QPRT: variants seen among roughly 807,000 people sequenced by gnomAD.
QPRT encodes the protein quinolinate phosphoribosyltransferase.
A neutral mutation model predicts 19.8 loss-of-function variants in QPRT; 17 were observed. The observed-to-expected ratio is 0.86, with a 90% CI of 0.59 to 1.29. The LOEUF (loss-of-function observed/expected upper bound fraction) is 1.29, where lower values mean the gene tolerates loss of function less well. QPRT is among the 50% of genes most tolerant of loss of function. The pLI, the probability that QPRT is intolerant of heterozygous loss-of-function variation, is 0.00. For synonymous variants in QPRT, 178 were observed against 191.0 expected, an observed-to-expected ratio of 0.93 and a Z score of 0.56; for missense variants, 336 against 405.1, an observed-to-expected ratio of 0.83 and a Z score of 1.46.
chr16:29,697,290 A>G lies in QPRT; in HGVS notation c.773A>G (p.Gln258Arg). The stretch of plus-strand genomic sequence containing the variant: ...GGCATCACCCTGGACAACCTCCCCC[A>G]GTTCTGCGGGCCGCACATAGACGTC... ...SGGITLDNLP[Q>R]FCGPHIDVIS... Residue 258 changes from glutamine (Q) to arginine (R), a missense_variant, in exon 4 of 4, where the codon CAG (glutamine) becomes CGG (arginine). Coordinates refer to ENST00000395384, the MANE Select transcript of QPRT (RefSeq NM_014298.6). The surrounding 1 kb of genome is among the most constrained non-coding windows in gnomAD (Gnocchi z 4.4). 1 of 1,614,164 alleles carries G rather than the reference A, an allele frequency of 6.2e-7. No individual in the cohort carries two copies. The highest frequency in any genetic ancestry group is 2.2e-5 in the East Asian group (1 of 44,882).
At chr16:29,688,520 T>A (rs577706140) in intron 1 of QPRT, among the ~76,000 whole-genome samples, 2 of 150,640 alleles carry the variant, frequency 1.3e-5, no homozygotes, top group East Asian at 3.9e-4. Flanking sequence ...ATTTATTTGT[T>A]TGTTTATTAA....
chr16:29,683,962 C>T (rs1318334300), intron 1 of QPRT, among the ~76,000 whole-genome samples: 1 of 152,160 alleles, frequency 6.6e-6, no homozygotes, highest in Non-Finnish European at 1.5e-5. Context: ...GCACAAAAAC[C>T]GCTCTGGCAC....
chr16:29,695,484 C>CTTTTTT (rs962384967), intron 2 of QPRT, among the ~76,000 whole-genome samples: 66 of 93,596 alleles, frequency 7.1e-4, no homozygotes, highest in East Asian at 1.2e-3. Flanking sequence ...CTAATTTTTG[C>CTTTTTT]TTTTTTTTTT....
At chr16:29,679,958 TC>T (rs1204652517) in intron 1 of QPRT, among the ~76,000 whole-genome samples, 2 of 148,578 alleles carry the variant, frequency 1.3e-5, no homozygotes, top group Non-Finnish European at 3.0e-5. Context: ...ACTAAGATAA[TC>T]TTTTTTTTTT....
chr16:29,691,284 G>A (rs1054778779), intron 1 of QPRT, among the ~76,000 whole-genome samples: 2 of 140,026 alleles, frequency 1.4e-5, no homozygotes, highest in African/African-American at 2.7e-5. Context: ...AGAATCCCTG[G>A]AACCCGCGGG....
chr16:29,697,180 C>A lies in QPRT; in HGVS notation c.682-19C>A. 1 of 1,601,840 alleles carries A rather than the reference C, an allele frequency of 6.2e-7. No homozygotes were observed. On this transcript the variant is annotated intron_variant, in intron 3 of 3. Coordinates refer to ENST00000395384, the MANE Select transcript of QPRT (RefSeq NM_014298.6). The surrounding 1 kb of genome is among the most constrained non-coding windows in gnomAD (Gnocchi z 4.4). ...GATCTGTGGTGGGCTCTTACCTCCC[C>A]TTGGCTTGTGTCCCGCAGGAGCTGC...
chr16:29,697,428 G>T lies in QPRT; in HGVS notation c.*17G>T. The T allele has an allele frequency of 6.2e-7, 1 of 1,600,104 alleles. No homozygotes were observed. The highest frequency in any genetic ancestry group is 8.5e-7 in the Non-Finnish European group (1 of 1,173,662). ...ATCCACTAGTCCTAAACCGGAAGAG[G>T]ATGACACCGGCCATGGGTTAACGTG... is the stretch of plus-strand genomic sequence containing the variant. On this transcript the variant is annotated 3_prime_UTR_variant, in exon 4 of 4. Coordinates refer to ENST00000395384, the MANE Select transcript of QPRT (RefSeq NM_014298.6). This position sits in a 1 kb window ranked among gnomAD's most constrained non-coding sequence, Gnocchi z 4.4.
intron 1 of QPRT, among the ~76,000 whole-genome samples, chr16:29,681,915 G>C (rs1882732833): frequency 6.6e-6 from 1 of 152,062 alleles, no homozygotes; most frequent in Non-Finnish European, 1.5e-5. Context: ...AGTTTTAGTA[G>C]AGACAGGGTT....
chr16:29,686,567 G>T (rs1967167653), intron 1 of QPRT, among the ~76,000 whole-genome samples: 2 of 152,224 alleles, frequency 1.3e-5, no homozygotes, highest in South Asian at 4.1e-4. Context: ...CACAATCTTG[G>T]CTCACTGCAA....
In QPRT at chr16:29,694,720, C is replaced by T. The variant is rs770264684; in HGVS notation, c.70C>T (p.Arg24Ter). The stretch of plus-strand genomic sequence containing the variant: ...GGCAGCCCTGGTGGACAGCTGGCTC[C>T]GAGAGGACTGCCCAGGGCTCAACTA... Reference protein sequence around the residue: ...TLAALVDSWLREDCPGLNYAA... With the variant: ...TLAALVDSWL Residue 24 changes from arginine (R) to a stop codon, truncating the protein, a stop_gained, in exon 2 of 4, where the codon CGA becomes TGA. Coordinates refer to ENST00000395384, the MANE Select transcript of QPRT (RefSeq NM_014298.6). LOFTEE classifies it high-confidence loss of function. The T allele has an allele frequency of 1.8e-5, 28 of 1,583,328 alleles. No homozygotes were observed. The East Asian group carries it at 5.6e-4, about 32-fold the overall frequency.
chr16:29,690,647 T>C (rs1967298854), intron 1 of QPRT, among the ~76,000 whole-genome samples: 1 of 152,170 alleles, frequency 6.6e-6, no homozygotes, highest in South Asian at 2.1e-4. Context: ...TTAGTTAGAC[T>C]GATACATTTG....
In QPRT at chr16:29,695,120, C is replaced by T; in HGVS notation, c.470C>T (p.Ala157Val). The change falls in exon 2 of 4, where the codon GCC becomes GTC. Residue 157 changes from alanine to valine, a missense_variant. By Grantham distance (64) the Ala-to-Val change is moderately conservative (BLOSUM62 0). Transcript: ENST00000395384. The stretch of plus-strand genomic sequence containing the variant: ...AAGTATGGGCTCCTGGTGGGCGGGG[C>T]CGCCTCGCACCGCTACGACCTGGGA... ...VEKYGLLVGG[A>V]ASHRYDLGGL... is the part of the protein sequence containing the mutation. 2.5e-6 allele frequency: 4 copies of T among 1,591,832 alleles called. No homozygotes were observed. Among genetic ancestry groups the T allele is most frequent in the Non-Finnish European group, 3.4e-6 (4 of 1,170,626 alleles).
In QPRT at chr16:29,692,026, T is replaced by TGCACGTGTGTGC. The variant is rs1967354691; in HGVS notation, c.14-2635_14-2624dup. On this transcript the variant is annotated intron_variant, in intron 1 of 3. Transcript: ENST00000395384. ...GTGTGCGCGTGCTTGTGCGTGTGCG[T>TGCACGTGTGTGC]GCACGTGTGTGCGCGCTAAATCAAA... Among the ~76,000 whole-genome samples, 3 of 152,306 alleles carry TGCACGTGTGTGC rather than the reference T, an allele frequency of 2.0e-5. No homozygotes were observed. In the South Asian group the frequency reaches 6.2e-4, roughly 32 times the overall value.
chr16:29,695,052 G>A lies in QPRT; in HGVS notation c.402G>A (p.Val134=), dbSNP rs1967482047. The change falls in exon 2 of 4, where the codon GTG becomes GTA. Residue 134 remains valine, a synonymous_variant. Transcript: ENST00000395384. The stretch of plus-strand genomic sequence containing the variant: ...GGGGGGCCGGCTGGACTGGGCACGT[G>A]GCAGGCACGAGGAAGACCACGCCAG... ...AARGAGWTGH[V]AGTRKTTPGF... 6.2e-7 allele frequency: 1 copy of A among 1,605,552 alleles called. No homozygotes were observed. The highest frequency in any genetic ancestry group is 1.3e-5 in the African/African-American group (1 of 74,918).
intron 2 of QPRT, among the ~76,000 whole-genome samples, 194 bp downstream of exon 2, chr16:29,695,393 C>G (rs530858707): frequency 2.6e-5 from 4 of 151,962 alleles, no homozygotes; most frequent in Non-Finnish European, 5.9e-5. Context: ...TAAAGGGGAG[C>G]TGGGCCTGCT....
intron 2 of QPRT, 98 bp downstream of exon 2, chr16:29,695,297 C>T: frequency 1.5e-6 from 2 of 1,352,100 alleles, no homozygotes; most frequent in South Asian, 1.5e-5. Context: ...GGGTGAACAG[C>T]CATGGCCTGG....
chr16:29,698,591 T>C lies in QPRT; in HGVS notation c.*1180T>C, dbSNP rs1349822932. 6.6e-6 allele frequency: 1 copy of C among 152,368 alleles called. No homozygotes were observed. The highest frequency in any genetic ancestry group is 1.5e-5 in the Non-Finnish European group (1 of 68,024). The allele number at this position is 152,368 out of a possible 1,614,324, so 9.4% of individuals were successfully genotyped here. A position where few individuals can be genotyped will look rare whatever the true frequency, so the allele number is the denominator to read the frequency against. ...TCATGACCCTTTCACGTGGACCCCT[T>C]AGAGTTGTAAGCCTTTAAAAAGGCC... On this transcript the variant is annotated 3_prime_UTR_variant, in exon 4 of 4. Coordinates refer to ENST00000395384, the MANE Select transcript of QPRT (RefSeq NM_014298.6).
chr16:29,684,501 G>A (rs1419397390), intron 1 of QPRT, among the ~76,000 whole-genome samples: 1 of 151,836 alleles, frequency 6.6e-6, no homozygotes, highest in Non-Finnish European at 1.5e-5. Flanking sequence ...TTGCTATGTT[G>A]GCCCCGGAGT....
In QPRT at chr16:29,680,098, C is replaced by T. The variant is rs1023208451; in HGVS notation, c.13+888C>T. Among the ~76,000 whole-genome samples, 18 of 151,978 alleles carry T rather than the reference C, an allele frequency of 1.2e-4. No homozygotes were observed. The East Asian group carries it at 2.7e-3, about 23-fold the overall frequency. On this transcript the variant is annotated intron_variant, in intron 1 of 3. Coordinates refer to ENST00000395384, the MANE Select transcript of QPRT (RefSeq NM_014298.6). Reference sequence around the variant, plus strand: ...TCAGCCTCCCGAGTAGCTGGGACTACAGGCGCCCGCCGCCACGCCTGGCTA... The same window carrying T: ...TCAGCCTCCCGAGTAGCTGGGACTATAGGCGCCCGCCGCCACGCCTGGCTA...
Sources: gnomAD v4.1 joint callset for allele counts (sites outside exome capture counted in the v4.1 genomes callset) on GRCh38, gnomAD v4.1.1 for gene constraint, Gnocchi (gnomAD v3.1) non-coding constraint, MANE v1.5 for transcripts, NCBI Gene and HGNC (gene_info 2026-07-23, HGNC 2026-07-21) for gene names.